Variants in PCSK1 observed in about 807,000 individuals in gnomAD.
The protein encoded by PCSK1 is proprotein convertase subtilisin/kexin type 1, also known as neuroendocrine convertase 1.
In PCSK1, 56 loss-of-function variants were observed where a neutral mutation model predicts 90.6. The observed-to-expected ratio is 0.62, with a 90% CI of 0.50 to 0.77. PCSK1 has a LOEUF of 0.77. Ranked by LOEUF, PCSK1 falls within the 30% of genes least tolerant of loss-of-function variation. The pLI is 0.00. For missense variants in PCSK1, 801 were observed against 932.6 expected (o/e 0.86, Z 1.84); for synonymous variants, 348 against 342.4 (o/e 1.02, Z -0.18).
chr5:96,426,243 A>G (rs1761304133), intron 2 of PCSK1, among the ~76,000 whole-genome samples: 1 of 152,218 alleles, frequency 6.6e-6, no homozygotes, highest in Non-Finnish European at 1.5e-5. Flanking sequence ...CAAATGGACC[A>G]TAATACTCAT....
intron 5 of PCSK1, among the ~76,000 whole-genome samples, chr5:96,418,531 T>G (rs1204881135): frequency 6.6e-6 from 1 of 152,210 alleles, no homozygotes; most frequent in Admixed American, 6.5e-5. Flanking sequence ...CTCTTTTGAC[T>G]TTCAGAGTAG....
intron 9 of PCSK1, 110 bp from the exon 10 acceptor site, chr5:96,400,296 T>C: frequency 1.3e-6 from 1 of 757,528 alleles, no homozygotes; most frequent in Non-Finnish European, 2.4e-6. Flanking sequence ...TGCCTTTTGC[T>C]ATTGTAGTTA....
intron 11 of PCSK1, 22 bp downstream of exon 11, chr5:96,398,857 G>A (rs201164737): frequency 6.3e-7 from 1 of 1,593,790 alleles, no homozygotes; most frequent in East Asian, 2.2e-5. Context: ...AATATAAATG[G>A]CTTAGAACTT....
intron 12 of PCSK1, among the ~76,000 whole-genome samples, chr5:96,395,455 T>C (rs1415824011): frequency 6.6e-6 from 1 of 152,174 alleles, no homozygotes; most frequent in African/African-American, 2.4e-5. Flanking sequence ...TGGAATACTA[T>C]GCAGCCATAA....
chr5:96,407,443 AGTTTTGACAAGG>A (rs1184663014), intron 9 of PCSK1, among the ~76,000 whole-genome samples: 1 of 152,222 alleles, frequency 6.6e-6, no homozygotes, highest in Non-Finnish European at 1.5e-5. Flanking sequence ...TAATAAAAGT[AGTTTTGACAAGG>A]GTTTTGGAAA....
intron 9 of PCSK1, among the ~76,000 whole-genome samples, chr5:96,407,871 A>C (rs2112414436): frequency 6.6e-6 from 1 of 152,354 alleles, no homozygotes; most frequent in East Asian, 1.9e-4. Flanking sequence ...AATAAACAAA[A>C]GGCGTTGTAG....
chr5:96,432,208 G>C, intron 1 of PCSK1: 1 of 1,275,192 alleles, frequency 7.8e-7, no homozygotes, highest in Non-Finnish European at 1.1e-6. Context: ...TGAAAAGCCG[G>C]AGCTCCCTAG....
chr5:96,411,599 G>C (rs746856763), intron 7 of PCSK1, among the ~76,000 whole-genome samples: 6 of 152,196 alleles, frequency 3.9e-5, no homozygotes, highest in Non-Finnish European at 7.3e-5. Context: ...CAACAGGCAC[G>C]TGCAGAGCAG....
rs1561361999 is a variant in PCSK1, at chr5:96,395,034, TA to T, written c.1723-10del. The T allele has an allele frequency of 6.3e-7, 1 of 1,599,696 alleles. No individual in the cohort carries two copies. Among genetic ancestry groups the T allele is most frequent in the African/African-American group, 1.3e-5 (1 of 74,644 alleles). On this transcript the variant is annotated splice_polypyrimidine_tract_variant and intron_variant, in intron 12 of 13. Coordinates refer to ENST00000311106, the MANE Select transcript of PCSK1 (RefSeq NM_000439.5). ...TTTTGAATTCTTCCAGACTAACAAA[TA>T]AGCATACCTACATTTAGTATGTGTT...
chr5:96,396,561 C>CA (rs368951852), intron 12 of PCSK1, among the ~76,000 whole-genome samples: 3,790 of 122,362 alleles, frequency 0.031, 148 homozygotes, highest in African/African-American at 0.089. Flanking sequence ...GACTCCGTCT[C>CA]AAAAAAAAAA....
At chr5:96,404,755 G>T (rs1037719767) in intron 9 of PCSK1, among the ~76,000 whole-genome samples, 2 of 152,154 alleles carry the variant, frequency 1.3e-5, no homozygotes, top group Non-Finnish European at 2.9e-5. Flanking sequence ...ACTTGAGTTT[G>T]AATTTCTTTG....
chr5:96,401,086 CAAAAAAAA>C (rs35928091), intron 9 of PCSK1, among the ~76,000 whole-genome samples: 722 of 70,614 alleles, frequency 0.01, 5 homozygotes, highest in African/African-American at 0.036. Flanking sequence ...GACTCCGTCT[CAAAAAAAA>C]AAAAAAAAAA....
At chr5:96,407,941 T>C (rs971752663) in intron 9 of PCSK1, among the ~76,000 whole-genome samples, 1 of 152,232 alleles carries the variant, frequency 6.6e-6, no homozygotes, top group African/African-American at 2.4e-5. Flanking sequence ...CATATTGATT[T>C]AGACAGGAGA....
intron 6 of PCSK1, 59 bp from the exon 7 acceptor site, chr5:96,412,549 A>G (rs1214664452): frequency 1.4e-6 from 2 of 1,421,222 alleles, no homozygotes; most frequent in East Asian, 2.3e-5. Flanking sequence ...ACATGGACAA[A>G]AGCCCAATAC....
intron 2 of PCSK1, among the ~76,000 whole-genome samples, chr5:96,427,449 C>T (rs1167833623): frequency 1.3e-5 from 2 of 152,190 alleles, no homozygotes; most frequent in East Asian, 3.8e-4. Context: ...TGAAGATCAT[C>T]TAATTCAACC....
intron 4 of PCSK1, among the ~76,000 whole-genome samples, chr5:96,422,932 A>G (rs1455904747): frequency 6.9e-6 from 1 of 145,062 alleles, no homozygotes; most frequent in African/African-American, 2.9e-5. Flanking sequence ...TGTCAGGGAT[A>G]TAGACTCATA....
At chr5:96,426,136 C>CTAAA (rs1000514548) in intron 2 of PCSK1, among the ~76,000 whole-genome samples, 2 of 152,112 alleles carry the variant, frequency 1.3e-5, no homozygotes, top group African/African-American at 4.8e-5. Flanking sequence ...TAAAGTGCAC[C>CTAAA]TTTAGGGGGA....
chr5:96,418,760 T>C (rs1298098070), intron 5 of PCSK1, among the ~76,000 whole-genome samples: 1 of 152,198 alleles, frequency 6.6e-6, no homozygotes, highest in Non-Finnish European at 1.5e-5. Context: ...TACCTTCTGA[T>C]AAATGATAAG....
At chr5:96,401,018 C>A (rs1172883550) in intron 9 of PCSK1, among the ~76,000 whole-genome samples, 1 of 119,408 alleles carries the variant, frequency 8.4e-6, no homozygotes, top group Non-Finnish European at 1.6e-5. Context: ...ACCTGGGAGG[C>A]GGAGCTTGCA....
Sources: allele counts gnomAD v4.1 joint callset (sites outside exome capture counted in the v4.1 genomes callset), GRCh38; gene constraint gnomAD v4.1.1; transcripts MANE v1.5; gene names NCBI Gene and HGNC (gene_info 2026-07-23, HGNC 2026-07-21).